CNTNAP2: variants seen among roughly 807,000 people sequenced by gnomAD.
CNTNAP2 encodes the protein contactin-associated protein-like 2.
In CNTNAP2, 98 loss-of-function variants were observed where a neutral mutation model predicts 155.2. The ratio of observed to expected loss-of-function variants is 0.63; its 90% CI spans 0.54 to 0.75. The LOEUF (loss-of-function observed/expected upper bound fraction) is 0.75, where lower values mean the gene tolerates loss of function less well. Among genes scored for constraint, CNTNAP2 ranks in the 30% least tolerant of loss-of-function variants. The pLI is 0.00. For synonymous variants in CNTNAP2, 651 were observed against 631.2 expected, an observed-to-expected ratio of 1.03 and a Z score of -0.47; for missense variants, 1,727 against 1,688.1, an observed-to-expected ratio of 1.02 and a Z score of -0.40.
chr7:147,041,244 C>T (rs1246379227), intron 3 of CNTNAP2, among the ~76,000 whole-genome samples: 9 of 152,204 alleles, frequency 5.9e-5, no homozygotes, highest in South Asian at 2.1e-4. Flanking sequence ...TGTCTTTATT[C>T]CTATTCCTTG....
intron 1 of CNTNAP2, among the ~76,000 whole-genome samples, chr7:146,390,080 A>T (rs1795518667): frequency 6.6e-6 from 1 of 152,110 alleles, no homozygotes; most frequent in African/African-American, 2.4e-5. Flanking sequence ...ATTTTTAGTA[A>T]TTAAAAAGTA....
At chr7:147,239,378 C>T (rs552820915) in intron 8 of CNTNAP2, among the ~76,000 whole-genome samples, 9 of 151,818 alleles carry the variant, frequency 5.9e-5, no homozygotes, top group East Asian at 3.9e-4. Flanking sequence ...GGTGTGTTGC[C>T]GGTCACCTGC....
At chr7:146,167,485 A>C (rs1038433894) in intron 1 of CNTNAP2, among the ~76,000 whole-genome samples, 7 of 152,228 alleles carry the variant, frequency 4.6e-5, no homozygotes, top group African/African-American at 1.2e-4. Flanking sequence ...GAAATATTAT[A>C]GGATTGATAT....
chr7:147,109,286 C>G (rs1563079597), intron 5 of CNTNAP2, among the ~76,000 whole-genome samples: 1 of 152,034 alleles, frequency 6.6e-6, no homozygotes, highest in Non-Finnish European at 1.5e-5. Flanking sequence ...GTACATTCAG[C>G]ATGACTTATG....
chr7:147,682,088 A>T (rs924595739), intron 13 of CNTNAP2, among the ~76,000 whole-genome samples: 7 of 151,868 alleles, frequency 4.6e-5, no homozygotes, highest in African/African-American at 1.7e-4. Flanking sequence ...TGTAGGTGAC[A>T]GTGTGAGTGG....
intron 12 of CNTNAP2, among the ~76,000 whole-genome samples, chr7:147,593,356 G>C (rs1800774559): frequency 6.6e-6 from 1 of 150,838 alleles, no homozygotes; most frequent in Non-Finnish European, 1.5e-5. Flanking sequence ...ATAAGCCAAG[G>C]AACTTGGTTA....
chr7:147,206,843 G>C (rs1020547991), intron 8 of CNTNAP2, among the ~76,000 whole-genome samples: 36 of 152,154 alleles, frequency 2.4e-4, no homozygotes, highest in African/African-American at 7.7e-4. Context: ...GATTTTCTCA[G>C]AAGACCACAA....
chr7:147,590,284 T>TG, intron 12 of CNTNAP2, among the ~76,000 whole-genome samples: 1 of 152,324 alleles, frequency 6.6e-6, no homozygotes, highest in East Asian at 1.9e-4. Flanking sequence ...GGTTTGGCTC[T>TG]GTGTCCCCAC....
chr7:147,008,802 G>A (rs776469621), intron 3 of CNTNAP2, among the ~76,000 whole-genome samples: 1 of 151,962 alleles, frequency 6.6e-6, no homozygotes. Context: ...TATTTATCTG[G>A]ACTTTTTCTC....
Position 146,116,962 on chromosome 7 carries a change from C to CCTCCACGTCCCGTAAGTAGCCGT in CNTNAP2, c.91_97+16dup, listed in dbSNP as rs1207682244. ...TGCCTCTGCAGAGCCTGGACGGCTC[C>CCTCCACGTCCCGTAAGTAGCCGT]CTCCACGTCCCGTAAGTAGCCGTCT... On this transcript the variant is annotated stop_gained and frameshift_variant, in exon 1 of 24. Transcript: ENST00000361727. LOFTEE classifies it high-confidence loss of function. The surrounding 1 kb of genome is among the most constrained non-coding windows in gnomAD (Gnocchi z 5.5). The CCTCCACGTCCCGTAAGTAGCCGT allele has an allele frequency of 3.9e-6, 6 of 1,551,410 alleles. No homozygotes were observed. The highest frequency in any genetic ancestry group is 4.4e-6 in the Non-Finnish European group (5 of 1,147,304).
chr7:147,711,537 A>G (rs1796399993), intron 13 of CNTNAP2, among the ~76,000 whole-genome samples: 1 of 152,170 alleles, frequency 6.6e-6, no homozygotes, highest in African/African-American at 2.4e-5. Context: ...CCAAGTGTTC[A>G]TTATTTAGGA....
At chr7:147,087,869 T>TG (rs1800313783) in intron 4 of CNTNAP2, among the ~76,000 whole-genome samples, 1 of 151,968 alleles carries the variant, frequency 6.6e-6, no homozygotes, top group South Asian at 2.1e-4. Flanking sequence ...CCCAGCTACT[T>TG]GGGAGGCTGA....
intron 4 of CNTNAP2, among the ~76,000 whole-genome samples, chr7:147,087,963 C>A (rs1800316408): frequency 6.6e-6 from 1 of 152,004 alleles, no homozygotes; most frequent in Admixed American, 6.6e-5. Flanking sequence ...GGCAACACAG[C>A]CAGACTCCAC....
chr7:146,727,466 G>A (rs1157561357), intron 1 of CNTNAP2, among the ~76,000 whole-genome samples: 1 of 152,202 alleles, frequency 6.6e-6, no homozygotes, highest in East Asian at 1.9e-4. Flanking sequence ...GAGGCCATTT[G>A]TAAGCCACAT....
At chr7:147,124,973 C>A (rs975883187) in intron 6 of CNTNAP2, among the ~76,000 whole-genome samples, 1 of 148,054 alleles carries the variant, frequency 6.8e-6, no homozygotes. Context: ...CTCCGCCTCC[C>A]GGGTTCAAGT....
chr7:146,483,306 T>C (rs57079418), intron 1 of CNTNAP2, among the ~76,000 whole-genome samples: 2,950 of 90,572 alleles, frequency 0.033, 304 homozygotes, highest in African/African-American at 0.13. Context: ...TATATATATA[T>C]ATATATATAT....
chr7:146,251,775 A>T (rs1799760490), intron 1 of CNTNAP2, among the ~76,000 whole-genome samples: 1 of 152,204 alleles, frequency 6.6e-6, no homozygotes, highest in Non-Finnish European at 1.5e-5. Context: ...AGAGCTTCAG[A>T]CTTAACGTCA....
intron 3 of CNTNAP2, among the ~76,000 whole-genome samples, chr7:146,990,393 A>G (rs1427838327): frequency 6.6e-6 from 1 of 152,162 alleles, no homozygotes; most frequent in Non-Finnish European, 1.5e-5. Context: ...GTCTGACTGT[A>G]TATCTGCCTT....
intron 8 of CNTNAP2, among the ~76,000 whole-genome samples, chr7:147,283,154 C>T (rs1939271134): frequency 1.3e-5 from 2 of 151,750 alleles, no homozygotes; most frequent in South Asian, 2.1e-4. Context: ...CACATCTATA[C>T]CCCCATCTAA....
Sources: allele counts gnomAD v4.1 joint callset (sites outside exome capture counted in the v4.1 genomes callset), GRCh38; gene constraint gnomAD v4.1.1; non-coding constraint Gnocchi (gnomAD v3.1); transcripts MANE v1.5; gene names NCBI Gene and HGNC (gene_info 2026-07-23, HGNC 2026-07-21).